The following GRM1 variants were observed in gnomAD, a reference collection of about 807,000 sequenced individuals.
GRM1 encodes metabotropic glutamate receptor 1.
GRM1 carries 33 observed loss-of-function variants against 90.9 expected under a neutral mutation model. That is an observed-to-expected ratio of 0.36 (90% confidence interval 0.28 to 0.49). The LOEUF is 0.49. Among genes scored for constraint, GRM1 ranks in the 20% least tolerant of loss-of-function variants. The pLI, the probability that GRM1 is intolerant of heterozygous loss-of-function variation, is 0.99. For missense variants in GRM1, 1,190 were observed against 1,534.3 expected (o/e 0.78, Z 3.75); for synonymous variants, 700 against 613.2 (o/e 1.14, Z -2.09).
intron 2 of GRM1, among the ~76,000 whole-genome samples, chr6:146,268,564 A>G (rs995033786): frequency 6.6e-6 from 1 of 152,222 alleles, no homozygotes; most frequent in Non-Finnish European, 1.5e-5. Context: ...TGTCTGTTGA[A>G]TAATGAGATA....
chr6:146,035,585 G>C (rs780266730), intron 1 of GRM1, among the ~76,000 whole-genome samples: 1 of 151,818 alleles, frequency 6.6e-6, no homozygotes, highest in Admixed American at 6.6e-5. Context: ...ACTACTGTAA[G>C]GTCCCCTAAC....
chr6:146,173,663 A>C (rs1356891954), intron 2 of GRM1, among the ~76,000 whole-genome samples: 1 of 141,798 alleles, frequency 7.1e-6, no homozygotes, highest in African/African-American at 2.9e-5. Flanking sequence ...TTTTTTCCTG[A>C]GGTTCTTTTT....
intron 1 of GRM1, among the ~76,000 whole-genome samples, chr6:146,114,754 A>G (rs1012060687): frequency 1.3e-5 from 2 of 152,138 alleles, no homozygotes; most frequent in Non-Finnish European, 2.9e-5. Flanking sequence ...GGGGTTATTC[A>G]TTTATTCATC....
At chr6:146,180,440 A>G (rs757634287) in intron 2 of GRM1, among the ~76,000 whole-genome samples, 6 of 152,180 alleles carry the variant, frequency 3.9e-5, no homozygotes, top group Non-Finnish European at 8.8e-5. Context: ...ATGAGGTTAT[A>G]CTTAGATGAT....
chr6:146,102,395 T>C (rs184901696), intron 1 of GRM1, among the ~76,000 whole-genome samples: 115 of 152,346 alleles, frequency 7.5e-4, no homozygotes, highest in African/African-American at 2.5e-3. Flanking sequence ...GGTCAATATT[T>C]ACAAAACTGA....
chr6:146,090,267 T>A (rs148749317), intron 1 of GRM1, among the ~76,000 whole-genome samples: 2 of 152,066 alleles, frequency 1.3e-5, no homozygotes, highest in Non-Finnish European at 1.5e-5. Flanking sequence ...TGCCAATAGG[T>A]TAATTTATCC....
chr6:146,351,691 T>C (rs1018979986), intron 3 of GRM1, among the ~76,000 whole-genome samples: 1 of 152,152 alleles, frequency 6.6e-6, no homozygotes, highest in Non-Finnish European at 1.5e-5. Flanking sequence ...CTGATTTAAA[T>C]ATTTCGGCCC....
chr6:146,370,601 T>C (rs969132698), intron 5 of GRM1, among the ~76,000 whole-genome samples: 1 of 152,036 alleles, frequency 6.6e-6, no homozygotes, highest in African/African-American at 2.4e-5. Context: ...ATGCATAACA[T>C]CATGTGGGCC....
chr6:146,364,919 C>T lies in GRM1; in HGVS notation c.1602+7225C>T, dbSNP rs980440938. 3.3e-5 allele frequency: 5 copies of T among 152,184 alleles called. No individual in the cohort carries two copies. The South Asian group carries it at 8.3e-4, about 25-fold the overall frequency. The allele number at this position is 152,184 out of a possible 1,614,324, so 9.4% of individuals were successfully genotyped here. A position where few individuals can be genotyped will look rare whatever the true frequency, so the allele number is the denominator to read the frequency against. On this transcript the variant is annotated intron_variant, in intron 5 of 7. Coordinates refer to ENST00000282753, the MANE Select transcript of GRM1 (RefSeq NM_001278064.2). ...GAAAGTTAACAATAACATCTTCAGC[C>T]GTAACTGTCACATCCACCTCAGCTT...
chr6:146,041,198 T>C (rs1456193905), intron 1 of GRM1, among the ~76,000 whole-genome samples: 1 of 152,038 alleles, frequency 6.6e-6, no homozygotes, highest in Non-Finnish European at 1.5e-5. Context: ...TTAGAATTCT[T>C]ATTTCGGATT....
In GRM1 at chr6:146,071,763, G is replaced by A. The variant is rs79495441; in HGVS notation, c.700+41546G>A. On this transcript the variant is annotated intron_variant, in intron 1 of 7. Coordinates refer to ENST00000282753, the MANE Select transcript of GRM1 (RefSeq NM_001278064.2). ...AAAACCTTGACCAACCCAATAGCAA[G>A]CTCTGAAACTGAAATACTGTACCCA... Among the ~76,000 whole-genome samples, 897 of 152,262 alleles carry A rather than the reference G, an allele frequency of 5.9e-3. 10 individuals are homozygous for A. Among genetic ancestry groups the A allele is most frequent in the African/African-American group, 0.021 (853 of 41,558 alleles).
chr6:146,345,579 C>G (rs192221914), intron 3 of GRM1, among the ~76,000 whole-genome samples: 1 of 152,268 alleles, frequency 6.6e-6, no homozygotes, highest in African/African-American at 2.4e-5. Context: ...TAGAGATACT[C>G]AGAAAGGACA....
intron 1 of GRM1, among the ~76,000 whole-genome samples, chr6:146,101,913 A>C (rs1370856861): frequency 6.6e-6 from 1 of 151,522 alleles, no homozygotes; most frequent in Admixed American, 6.6e-5. Context: ...ATACCAACTT[A>C]CTGAGTATCT....
intron 1 of GRM1, among the ~76,000 whole-genome samples, chr6:146,084,551 G>C (rs765076594): frequency 2.0e-5 from 3 of 152,130 alleles, no homozygotes; most frequent in Non-Finnish European, 4.4e-5. Flanking sequence ...GTGGTTTTCA[G>C]TGAGTTTCTT....
intron 2 of GRM1, among the ~76,000 whole-genome samples, chr6:146,281,313 T>G (rs544132512): frequency 6.6e-6 from 1 of 152,278 alleles, no homozygotes; most frequent in East Asian, 1.9e-4. Context: ...TGACTAGTTG[T>G]AAGATTTTGG....
chr6:146,270,912 T>TTC lies in GRM1; in HGVS notation c.951-33699_951-33698insTC. ...TTCTTTCTTTCTTTCTTTCTTTCTT[T>TTC]CTTCCTTCCTTCCTTCCTTCCTTCC... On this transcript the variant is annotated intron_variant, in intron 2 of 7. Transcript: ENST00000282753. Among the ~76,000 whole-genome samples the TTC allele has an allele frequency of 2.0e-3, 172 of 86,786 alleles. 1 individual carries two copies. Among genetic ancestry groups the TTC allele is most frequent in the African/African-American group, 8.8e-3 (155 of 17,642 alleles). The allele number at this position is 86,786 out of a possible 152,430, so 56.9% of individuals were successfully genotyped here. A position where few individuals can be genotyped will look rare whatever the true frequency, so the allele number is the denominator to read the frequency against.
intron 2 of GRM1, among the ~76,000 whole-genome samples, chr6:146,241,116 C>T (rs980086048): frequency 6.6e-6 from 1 of 152,066 alleles, no homozygotes; most frequent in African/African-American, 2.4e-5. Flanking sequence ...TCAAATTTAT[C>T]CATCTAAGAA....
At chr6:146,031,064 C>T (rs1294503570) in intron 1 of GRM1, among the ~76,000 whole-genome samples, 1 of 152,054 alleles carries the variant, frequency 6.6e-6, no homozygotes, top group African/African-American at 2.4e-5. Flanking sequence ...TTCTAAAATG[C>T]AATAGATTAA....
chr6:146,127,747 G>A (rs966248855), intron 1 of GRM1, among the ~76,000 whole-genome samples: 1 of 152,126 alleles, frequency 6.6e-6, no homozygotes, highest in Non-Finnish European at 1.5e-5. Flanking sequence ...CCAAGGTTCA[G>A]TTTCCTTATT....
Sources: gnomAD v4.1 joint callset for allele counts (sites outside exome capture counted in the v4.1 genomes callset) on GRCh38, gnomAD v4.1.1 for gene constraint, MANE v1.5 for transcripts, NCBI Gene and HGNC (gene_info 2026-07-23, HGNC 2026-07-21) for gene names.